Variants in SHB observed in about 807,000 individuals in gnomAD.
SHB encodes SH2 domain-containing adapter protein B.
In SHB, 20 loss-of-function variants were observed where a neutral mutation model predicts 52.3. The ratio of observed to expected loss-of-function variants is 0.38; its 90% CI spans 0.27 to 0.56. The LOEUF is 0.56. Among genes scored for constraint, SHB ranks in the 20% least tolerant of loss-of-function variants. SHB has a pLI of 0.71. For missense variants in SHB, 825 were observed against 723.3 expected, an observed-to-expected ratio of 1.14 and a Z score of -1.61; for synonymous variants, 397 against 316.5, an observed-to-expected ratio of 1.25 and a Z score of -2.70.
intron 3 of SHB, among the ~76,000 whole-genome samples, chr9:37,968,281 C>T (rs933524292): frequency 3.9e-5 from 6 of 152,008 alleles, no homozygotes; most frequent in African/African-American, 1.2e-4. Context: ...TGTGACCATC[C>T]CCATTTTACA....
intron 1 of SHB, among the ~76,000 whole-genome samples, chr9:38,055,518 G>A (rs1431663200): frequency 6.6e-6 from 1 of 151,988 alleles, no homozygotes; most frequent in East Asian, 1.9e-4. Context: ...AAATCGTGTG[G>A]CCCACACAGG....
intron 2 of SHB, among the ~76,000 whole-genome samples, chr9:37,982,423 G>A (rs1820743790): frequency 6.6e-6 from 1 of 152,038 alleles, no homozygotes; most frequent in South Asian, 2.1e-4. Context: ...TACCCAGGGG[G>A]CGGAGGTTGC....
At chr9:38,063,540 C>G (rs1821920376) in intron 1 of SHB, among the ~76,000 whole-genome samples, 2 of 152,260 alleles carry the variant, frequency 1.3e-5, no homozygotes, top group African/African-American at 4.8e-5. Flanking sequence ...ACACTCAGCT[C>G]AAGAGTGGCC....
intron 4 of SHB, among the ~76,000 whole-genome samples, chr9:37,953,339 T>G (rs1832588616): frequency 6.6e-6 from 1 of 152,102 alleles, no homozygotes; most frequent in Non-Finnish European, 1.5e-5. Flanking sequence ...GCACAGGGGA[T>G]GCAGTGGTGA....
chr9:38,001,561 G>A (rs971366731), intron 2 of SHB, among the ~76,000 whole-genome samples: 3 of 152,222 alleles, frequency 2.0e-5, no homozygotes, highest in Non-Finnish European at 4.4e-5. Flanking sequence ...CCCTTTGGAC[G>A]CTTTGACCTG....
chr9:37,953,765 G>A (rs1190217035), intron 4 of SHB, among the ~76,000 whole-genome samples: 1 of 152,194 alleles, frequency 6.6e-6, no homozygotes, highest in Non-Finnish European at 1.5e-5. Context: ...TCAGGTGGGG[G>A]ACTAGGTGAT....
rs1832097354 is a variant in SHB at position 37,916,284 on chromosome 9, G to A, written c.*3537C>T. ...CTGATTCGGCCATGACCCTTCACGGGTGTCTGTGGGCCAACACCAAACGCC... is the reference window on the plus strand; with the variant it reads ...CTGATTCGGCCATGACCCTTCACGGATGTCTGTGGGCCAACACCAAACGCC... On this transcript the variant is annotated 3_prime_UTR_variant, in exon 6 of 6. Transcript: ENST00000377707. Among the ~76,000 whole-genome samples the A allele has an allele frequency of 6.6e-6, 1 of 152,246 alleles. No individual in the cohort carries two copies. The highest frequency in any genetic ancestry group is 6.5e-5 in the Admixed American group (1 of 15,290).
In SHB at chr9:37,917,846, C is replaced by G. The variant is rs957459444; in HGVS notation, c.*1975G>C. Among the ~76,000 whole-genome samples, 2 of 152,214 alleles carry G rather than the reference C, an allele frequency of 1.3e-5. No homozygotes were observed. The highest frequency in any genetic ancestry group is 2.9e-5 in the Non-Finnish European group (2 of 68,040). On this transcript the variant is annotated 3_prime_UTR_variant, in exon 6 of 6. Coordinates refer to ENST00000377707, the MANE Select transcript of SHB (RefSeq NM_003028.3). Reference sequence around the variant, plus strand: ...CGTGGTCTCTATGAGGGCTGGGCCACGTGGACGTGCCAGACAAGGCCTGGG... The same window carrying G: ...CGTGGTCTCTATGAGGGCTGGGCCAGGTGGACGTGCCAGACAAGGCCTGGG...
At chr9:37,953,517 C>A (rs939519155) in intron 4 of SHB, among the ~76,000 whole-genome samples, 1 of 151,884 alleles carries the variant, frequency 6.6e-6, no homozygotes, top group Non-Finnish European at 1.5e-5. Context: ...GCAGGTGGGG[C>A]TGCCTCCAGG....
intron 5 of SHB, among the ~76,000 whole-genome samples, chr9:37,941,635 T>C (rs186081629): frequency 5.9e-5 from 9 of 152,334 alleles, no homozygotes; most frequent in South Asian, 2.1e-4. Context: ...TGAAGTTTGC[T>C]CTTAAAAGGC....
intron 3 of SHB, among the ~76,000 whole-genome samples, chr9:37,966,973 G>A (rs7862130): frequency 0.58 from 88,467 of 151,986 alleles, 26,020 homozygotes; most frequent in East Asian, 0.82. Context: ...GCCTTGTACC[G>A]GTGTGCAAGG....
At chr9:37,956,263 G>A (rs1038126812) in intron 3 of SHB, among the ~76,000 whole-genome samples, 8 of 152,178 alleles carry the variant, frequency 5.3e-5, no homozygotes, top group Non-Finnish European at 1.5e-5. Flanking sequence ...TGCGTGTGAG[G>A]GGCTGGCTGA....
chr9:38,024,127 C>CCCCCTCTTGCATCATGAAGG (rs1821313196), intron 1 of SHB, among the ~76,000 whole-genome samples: 1 of 152,228 alleles, frequency 6.6e-6, no homozygotes, highest in African/African-American at 2.4e-5. Context: ...AAGTTCAAAG[C>CCCCCTCTTGCATCATGAAGG]CCCCTCTTGC....
intron 1 of SHB, among the ~76,000 whole-genome samples, chr9:38,043,988 A>G (rs566836466): frequency 2.7e-4 from 41 of 152,330 alleles, no homozygotes; most frequent in South Asian, 6.2e-4. Flanking sequence ...CATGGCCCCT[A>G]TGCTGGAACC....
intron 2 of SHB, among the ~76,000 whole-genome samples, chr9:38,011,377 T>C (rs1821140937): frequency 6.6e-6 from 1 of 152,082 alleles, no homozygotes; most frequent in Non-Finnish European, 1.5e-5. Context: ...AGACCAGAAT[T>C]TGATCTTGAG....
intron 1 of SHB, among the ~76,000 whole-genome samples, chr9:38,065,179 G>A (rs1295757708): frequency 6.6e-6 from 1 of 152,204 alleles, no homozygotes; most frequent in Non-Finnish European, 1.5e-5. Context: ...AGGAAGGCCG[G>A]ATCTACAGTG....
rs929106087 is a variant in SHB, at chr9:38,004,903, C to A, written c.838+11108G>T. Among the ~76,000 whole-genome samples, 5 of 152,226 alleles carry A rather than the reference C, an allele frequency of 3.3e-5. No homozygotes were observed. In the South Asian group the frequency reaches 8.3e-4, roughly 25 times the overall value. ...TGAGCCGGCCCAGCAGGCATGAGAC[C>A]CAGTTCTGGGAGCTGAGAGATTTGT... On this transcript the variant is annotated intron_variant, in intron 2 of 5. Coordinates refer to ENST00000377707, the MANE Select transcript of SHB (RefSeq NM_003028.3).
intron 3 of SHB, among the ~76,000 whole-genome samples, chr9:37,960,388 C>T (rs1435662650): frequency 2.0e-5 from 3 of 152,194 alleles, no homozygotes; most frequent in African/African-American, 7.2e-5. Context: ...AAAAAATATG[C>T]TACCCCCGTG....
chr9:37,951,089 C>T (rs1411575621), intron 4 of SHB, among the ~76,000 whole-genome samples: 1 of 152,114 alleles, frequency 6.6e-6, no homozygotes, highest in East Asian at 1.9e-4. Context: ...GTAGCAGTGG[C>T]CACAGCAAAA....
Sources: gnomAD v4.1 joint callset for allele counts (sites outside exome capture counted in the v4.1 genomes callset) on GRCh38, gnomAD v4.1.1 for gene constraint, MANE v1.5 for transcripts, NCBI Gene and HGNC (gene_info 2026-07-23, HGNC 2026-07-21) for gene names.